ANKRD62: variants seen among roughly 807,000 people sequenced by gnomAD.
The protein encoded by ANKRD62 is ankyrin repeat domain 62.
ANKRD62 carries 61 observed loss-of-function variants against 98.8 expected under a neutral mutation model. That is an observed-to-expected ratio of 0.62 (90% CI 0.50 to 0.76). The LOEUF (loss-of-function observed/expected upper bound fraction) is 0.76. Ranked by LOEUF, ANKRD62 falls within the 30% of genes least tolerant of loss-of-function variation. The pLI is 0.00. For synonymous variants in ANKRD62, 341 were observed against 367.9 expected, an observed-to-expected ratio of 0.93 and a Z score of 0.84; for missense variants, 933 against 1,082.9, an observed-to-expected ratio of 0.86 and a Z score of 1.94.
Position 12,122,516 on chromosome 18 carries a change from G to C in ANKRD62, c.1454G>C (p.Arg485Thr). Residue 485 changes from arginine to threonine, a missense_variant and splice_region_variant, in exon 11 of 14, where the codon AGA (arginine) becomes ACA (threonine). By Grantham distance (71) the Arg-to-Thr change is moderately conservative. Coordinates refer to ENST00000587848, the MANE Select transcript of ANKRD62 (RefSeq NM_001277333.2). ...GGGAAAAAAAAGCTCTGTAATTTGA[G>C]GTATCACATTCTAGTTTTAAAGAAA... ...LQGKKKLCNL[R>T]FILQQQEEER... 1 of 1,510,286 alleles carries C rather than the reference G, an allele frequency of 6.6e-7. No individual in the cohort carries two copies. The highest frequency in any genetic ancestry group is 1.7e-4 in the Middle Eastern group (1 of 5,788). The allele number at this position is 1,510,286 out of a possible 1,614,324, so 93.6% of individuals were successfully genotyped here.
At chr18:12,096,617 C>A (rs1375644233) in intron 4 of ANKRD62, among the ~76,000 whole-genome samples, 2 of 152,092 alleles carry the variant, frequency 1.3e-5, no homozygotes, top group Non-Finnish European at 2.9e-5. Context: ...TAGACTTCAA[C>A]TTTTAGTTTA....
intron 8 of ANKRD62, among the ~76,000 whole-genome samples, chr18:12,114,157 T>C (rs1909608149): frequency 1.3e-5 from 2 of 151,634 alleles, no homozygotes; most frequent in African/African-American, 2.4e-5. Flanking sequence ...GGAGGATGAG[T>C]GGAGGGAAAG....
At chr18:12,146,330 G>A in the ANKRD62 span, among the ~76,000 whole-genome samples, 3 of 152,116 alleles carry the variant, frequency 2.0e-5, no homozygotes, top group Admixed American at 2.0e-4. Context: ...TTTGCTGTTG[G>A]GATGACTTAG....
chr18:12,110,478 G>A (rs1380314009), intron 8 of ANKRD62, among the ~76,000 whole-genome samples: 1 of 152,068 alleles, frequency 6.6e-6, no homozygotes, highest in East Asian at 1.9e-4. Context: ...AATGCTTAAG[G>A]TGTTAAAACA....
At chr18:12,140,870 C>G in the ANKRD62 span, among the ~76,000 whole-genome samples, 1 of 152,228 alleles carries the variant, frequency 6.6e-6, no homozygotes, top group Non-Finnish European at 1.5e-5. Context: ...AACCACTTCT[C>G]TCTTCAAAGC....
the ANKRD62 span, among the ~76,000 whole-genome samples, chr18:12,170,790 C>T: frequency 9.2e-5 from 14 of 152,148 alleles, no homozygotes; most frequent in Admixed American, 3.3e-4. Context: ...TCTCTAAGGA[C>T]TTGCCTTATG....
At chr18:12,112,776 G>A (rs1356891623) in intron 8 of ANKRD62, among the ~76,000 whole-genome samples, 8 of 152,168 alleles carry the variant, frequency 5.3e-5, no homozygotes, top group Non-Finnish European at 7.4e-5. Flanking sequence ...CTGAACAGAC[G>A]ACCTCCACAA....
chr18:12,171,902 A>C, the ANKRD62 span, among the ~76,000 whole-genome samples: 3 of 152,152 alleles, frequency 2.0e-5, no homozygotes, highest in Admixed American at 2.0e-4. Context: ...AATCACTGAT[A>C]CCCTTTCTTC....
chr18:12,171,633 C>T, the ANKRD62 span, among the ~76,000 whole-genome samples: 11 of 152,178 alleles, frequency 7.2e-5, no homozygotes, highest in East Asian at 1.9e-4. Context: ...TTGCTCTTCT[C>T]GAGGAGTATC....
At chr18:12,124,862 G>A (rs1416557286) in intron 12 of ANKRD62, among the ~76,000 whole-genome samples, 1 of 152,138 alleles carries the variant, frequency 6.6e-6, no homozygotes. Flanking sequence ...TTTCCCTGCA[G>A]AATTGTGATA....
intron 7 of ANKRD62, among the ~76,000 whole-genome samples, chr18:12,105,390 G>GA (rs891453816): frequency 1.6e-4 from 24 of 152,306 alleles, no homozygotes; most frequent in African/African-American, 5.1e-4. Context: ...AAAGACTTAA[G>GA]AATGAGGCAC....
the ANKRD62 span, among the ~76,000 whole-genome samples, chr18:12,174,096 G>C: frequency 1.3e-5 from 2 of 152,166 alleles, no homozygotes; most frequent in African/African-American, 2.4e-5. Context: ...ATTCCAAGTT[G>C]CTTCCATTCT....
At chr18:12,169,717 C>A in the ANKRD62 span, among the ~76,000 whole-genome samples, 1 of 152,136 alleles carries the variant, frequency 6.6e-6, no homozygotes, top group East Asian at 1.9e-4. Context: ...GGTACCAGAT[C>A]CTTTTTGTAC....
chr18:12,133,262 T>C (rs1910033158), downstream of ANKRD62, among the ~76,000 whole-genome samples: 1 of 152,230 alleles, frequency 6.6e-6, no homozygotes, highest in Non-Finnish European at 1.5e-5. Flanking sequence ...TTATTTCCTC[T>C]TATTTGCAAT....
chr18:12,125,902 A>C lies in ANKRD62; in HGVS notation c.2081A>C (p.Asp694Ala). 6.5e-7 allele frequency: 1 copy of C among 1,541,446 alleles called. No individual in the cohort carries two copies. The highest frequency in any genetic ancestry group is 1.2e-5 in the South Asian group (1 of 84,062). Reference protein sequence around the residue: ...TVNEWCHLQEDTNSHIQILSQ... With the variant: ...TVNEWCHLQEATNSHIQILSQ... ...AATGAATGGTGTCATTTACAAGAAG[A>C]CACTAATTCTCACATTCAGATTCTT... is the stretch of plus-strand genomic sequence containing the variant. Residue 694 changes from aspartate (D) to alanine (A), a missense_variant, in exon 13 of 14, where the codon GAC becomes GCC. Asp to Ala is a moderately radical substitution (Grantham distance 126, BLOSUM62 -2). This residue lies in a region of ANKRD62 where 362 missense variants were observed against 434.5 expected (regional missense o/e 0.83). Coordinates refer to ENST00000587848, the MANE Select transcript of ANKRD62 (RefSeq NM_001277333.2).
intron 13 of ANKRD62, among the ~76,000 whole-genome samples, chr18:12,127,104 A>G (rs528615483): frequency 2.6e-5 from 4 of 152,314 alleles, no homozygotes; most frequent in African/African-American, 9.6e-5. Flanking sequence ...TTTTTATTTC[A>G]AGGCTCAATG....
chr18:12,158,823 C>T, the ANKRD62 span, among the ~76,000 whole-genome samples: 2,889 of 152,138 alleles, frequency 0.019, 85 homozygotes, highest in African/African-American at 0.065. Context: ...CGTGAGCCAC[C>T]GCGCCCGGCC....
chr18:12,179,760 CTTTTG>C, the ANKRD62 span, among the ~76,000 whole-genome samples: 1 of 134,800 alleles, frequency 7.4e-6, no homozygotes, highest in Non-Finnish European at 1.5e-5. Flanking sequence ...CCAACAGTGA[CTTTTG>C]TTTCTTTTTT....
rs1396694999 is a variant in ANKRD62, at chr18:12,125,745, G to A, written c.1924G>A (p.Glu642Lys). 6.5e-7 allele frequency: 1 copy of A among 1,545,678 alleles called. No individual in the cohort carries two copies. Among genetic ancestry groups the A allele is most frequent in the Non-Finnish European group, 8.7e-7 (1 of 1,146,940 alleles). ...NTMLNSELQK[E>K]KQSMSRLETE... ...AATGCTCAATTCTGAGCTACAGAAGGAAAAACAAAGCATGTCAAGACTGGA... is the reference window on the plus strand; with the variant it reads ...AATGCTCAATTCTGAGCTACAGAAGAAAAAACAAAGCATGTCAAGACTGGA... Residue 642 changes from glutamate to lysine, a missense_variant, in exon 13 of 14, where the codon GAA (glutamate) becomes AAA (lysine). Coordinates refer to ENST00000587848, the MANE Select transcript of ANKRD62 (RefSeq NM_001277333.2).
Sources: gnomAD v4.1 joint callset for allele counts (sites outside exome capture counted in the v4.1 genomes callset) on GRCh38, gnomAD v4.1.1 for gene constraint, gnomAD v4.1.1 regional missense constraint, MANE v1.5 for transcripts, NCBI Gene and HGNC (gene_info 2026-07-23, HGNC 2026-07-21) for gene names.